The following THSD7A variants were observed in gnomAD, a reference collection of about 807,000 sequenced individuals.
The protein encoded by THSD7A is thrombospondin type-1 domain-containing protein 7A.
Under a neutral mutation model 231.3 loss-of-function variants are expected in THSD7A, and 96 were observed. That is an observed-to-expected ratio of 0.41 (90% CI 0.35 to 0.49). THSD7A has a LOEUF of 0.49. Ranked by LOEUF, THSD7A falls within the 20% of genes least tolerant of loss-of-function variation. The pLI is 0.05. For synonymous variants in THSD7A, 940 were observed against 743.3 expected (o/e 1.26, Z -4.30); for missense variants, 2,290 against 2,070.2 (o/e 1.11, Z -2.06).
intron 13 of THSD7A, 75 bp from the exon 14 acceptor site, chr7:11,429,200 C>A (rs1319225641): frequency 1.4e-6 from 2 of 1,423,656 alleles, no homozygotes; most frequent in South Asian, 1.5e-5. Flanking sequence ...TATTCTAGGT[C>A]ATTTAGAAGG....
At chr7:11,673,648 CAG>C (rs886798165) in intron 1 of THSD7A, among the ~76,000 whole-genome samples, 1 of 152,188 alleles carries the variant, frequency 6.6e-6, no homozygotes, top group African/African-American at 2.4e-5. Context: ...CTGCCCCACA[CAG>C]AACACAGTGC....
chr7:11,676,666 T>A (rs892588435), intron 1 of THSD7A, among the ~76,000 whole-genome samples: 6 of 151,872 alleles, frequency 4.0e-5, no homozygotes, highest in Admixed American at 3.3e-4. Flanking sequence ...AGAAAGGATA[T>A]CAGAGATAGA....
intron 1 of THSD7A, among the ~76,000 whole-genome samples, chr7:11,664,155 G>C (rs1266074360): frequency 6.6e-6 from 1 of 151,470 alleles, no homozygotes; most frequent in Non-Finnish European, 1.5e-5. Context: ...TTTTACGAAG[G>C]ATTCAATAAG....
rs895089033 is a variant in THSD7A, at chr7:11,373,792, C to T, written c.*2002G>A. The T allele has an allele frequency of 3.9e-5, 6 of 152,056 alleles. No individual in the cohort carries two copies. The highest frequency in any genetic ancestry group is 1.3e-4 in the Admixed American group (2 of 15,224). The allele number at this position is 152,056 out of a possible 1,614,324, so 9.4% of individuals were successfully genotyped here. A position where few individuals can be genotyped will look rare whatever the true frequency, so the allele number is the denominator to read the frequency against. On this transcript the variant is annotated 3_prime_UTR_variant, in exon 28 of 28. Transcript: ENST00000423059. ...TACCTTCTAATCCAAAACACTTTTA[C>T]AGGAACACAGCTGTTTAAGATAAAA... is the stretch of plus-strand genomic sequence containing the variant.
intron 6 of THSD7A, among the ~76,000 whole-genome samples, chr7:11,492,937 T>A (rs1786959176): frequency 6.6e-6 from 1 of 152,010 alleles, no homozygotes; most frequent in Non-Finnish European, 1.5e-5. Flanking sequence ...AGGAAAAGAA[T>A]CCTAGGGAGA....
At chr7:11,449,171 G>A (rs2128295139) in intron 11 of THSD7A, among the ~76,000 whole-genome samples, 1 of 151,958 alleles carries the variant, frequency 6.6e-6, no homozygotes, top group East Asian at 1.9e-4. Context: ...TGGGGTCCTG[G>A]GATTTAGGAT....
At chr7:11,815,472 C>T (rs1784661561) in intron 1 of THSD7A, among the ~76,000 whole-genome samples, 1 of 151,942 alleles carries the variant, frequency 6.6e-6, no homozygotes, top group Non-Finnish European at 1.5e-5. Context: ...AATATATGTA[C>T]ATATATTTAA....
intron 4 of THSD7A, among the ~76,000 whole-genome samples, chr7:11,546,848 T>A (rs2128324664): frequency 6.6e-6 from 1 of 152,204 alleles, no homozygotes; most frequent in Admixed American, 6.5e-5. Flanking sequence ...AATAGCTTTT[T>A]TAAGAAAAAA....
At chr7:11,575,779 A>C (rs1341303706) in intron 4 of THSD7A, among the ~76,000 whole-genome samples, 1 of 152,210 alleles carries the variant, frequency 6.6e-6, no homozygotes, top group Admixed American at 6.5e-5. Flanking sequence ...ATTACCCTTT[A>C]CTGAATTACA....
rs188066443 is a variant in THSD7A, at chr7:11,584,664, A to G, written c.1453+5796T>C. ...TCCTATCTGGGGTTCTATTGAAAAT[A>G]GCCTTAAGATGAGAAGTTAAAAGAC... is the stretch of plus-strand genomic sequence containing the variant. On this transcript the variant is annotated intron_variant, in intron 4 of 27. Transcript: ENST00000423059. Among the ~76,000 whole-genome samples, 401 of 152,320 alleles carry G rather than the reference A, an allele frequency of 2.6e-3. 2 individuals are homozygous for G. Among genetic ancestry groups the G allele is most frequent in the Non-Finnish European group, 3.4e-3 (229 of 68,030 alleles).
chr7:11,396,694 C>A (rs1428861571), intron 23 of THSD7A, among the ~76,000 whole-genome samples: 1 of 152,194 alleles, frequency 6.6e-6, no homozygotes, highest in Non-Finnish European at 1.5e-5. Context: ...CACATTCTAC[C>A]AGAGGTACAA....
intron 4 of THSD7A, among the ~76,000 whole-genome samples, chr7:11,554,650 T>A (rs566480405): frequency 3.0e-4 from 46 of 152,136 alleles, no homozygotes; most frequent in South Asian, 2.3e-3. Context: ...TTTGGTCTTA[T>A]ATTTTAATTA....
intron 6 of THSD7A, among the ~76,000 whole-genome samples, chr7:11,490,960 C>G (rs1786866911): frequency 6.6e-6 from 1 of 152,082 alleles, no homozygotes; most frequent in African/African-American, 2.4e-5. Flanking sequence ...CTATTTTCAT[C>G]ACTCATCTGT....
chr7:11,418,790 G>C (rs144195462), intron 16 of THSD7A, among the ~76,000 whole-genome samples: 4 of 151,200 alleles, frequency 2.6e-5, no homozygotes, highest in Non-Finnish European at 5.9e-5. Flanking sequence ...CCTGTAGCCT[G>C]AAAAAAATAC....
rs1562541189 is a variant in THSD7A at position 11,769,135 on chromosome 7, A to AT, written c.190+62621dup. On this transcript the variant is annotated intron_variant, in intron 1 of 27. Transcript: ENST00000423059. ...ATAATTCCTGGCAATATATATATAT[A>AT]TATATATATATATATATATTTTTTT... 1.2e-3 allele frequency among the ~76,000 whole-genome samples: 43 copies of AT among 36,600 alleles called. 1 individual carries two copies. The highest frequency in any genetic ancestry group is 3.2e-3 in the African/African-American group (39 of 12,126). The allele number at this position is 36,600 out of a possible 152,430, so 24.0% of individuals were successfully genotyped here. A position where few individuals can be genotyped will look rare whatever the true frequency, so the allele number is the denominator to read the frequency against.
At chr7:11,709,461 A>G (rs1780879572) in intron 1 of THSD7A, among the ~76,000 whole-genome samples, 3 of 150,782 alleles carry the variant, frequency 2.0e-5, no homozygotes, top group African/African-American at 7.3e-5. Context: ...AGTTATGGTG[A>G]GTTGAATCAC....
chr7:11,385,575 G>C (rs975999997), intron 23 of THSD7A: 1 of 151,486 alleles, frequency 6.6e-6, no homozygotes, highest in Admixed American at 6.6e-5. Flanking sequence ...TACATTAAGA[G>C]ATTTTATTAA....
At chr7:11,495,573 A>C (rs1373316893) in intron 6 of THSD7A, among the ~76,000 whole-genome samples, 1 of 152,124 alleles carries the variant, frequency 6.6e-6, no homozygotes, top group Non-Finnish European at 1.5e-5. Flanking sequence ...TTTCTATTGC[A>C]AAACTGTATC....
At chr7:11,508,563 C>G (rs1467722275) in intron 6 of THSD7A, among the ~76,000 whole-genome samples, 1 of 152,198 alleles carries the variant, frequency 6.6e-6, no homozygotes, top group East Asian at 1.9e-4. Flanking sequence ...AAAAATACAA[C>G]TACTACATGA....
Sources: allele counts gnomAD v4.1 joint callset (sites outside exome capture counted in the v4.1 genomes callset), GRCh38; gene constraint gnomAD v4.1.1; transcripts MANE v1.5; gene names NCBI Gene and HGNC (gene_info 2026-07-23, HGNC 2026-07-21).